TTN: variants seen among roughly 807,000 people sequenced by gnomAD.
TTN encodes connectin.
A neutral mutation model predicts 3,223.0 loss-of-function variants in TTN; 1,525 were observed. The ratio of observed to expected loss-of-function variants is 0.47; its 90% CI spans 0.45 to 0.49. The LOEUF (loss-of-function observed/expected upper bound fraction) is 0.49, where lower values mean the gene tolerates loss of function less well. TTN is among the 20% of genes least tolerant of loss of function. The probability of loss-of-function intolerance (pLI) is 0.00; values close to 1 mark genes in which losing one functional copy is unlikely to be tolerated. For synonymous variants in TTN, 14,094 were observed against 15,161.0 expected, an observed-to-expected ratio of 0.93 and a Z score of 5.17; for missense variants, 40,786 against 43,424.0, an observed-to-expected ratio of 0.94 and a Z score of 5.40.
chr2:178,747,983 T>A (rs1464390127), intron 47 of TTN: 2 of 1,613,086 alleles, frequency 1.2e-6, no homozygotes, highest in Admixed American at 3.3e-5. Context: ...CAAAGTGGCA[T>A]CTGTATATTC....
At position 178,556,463 on chromosome 2, in the gene TTN, A is replaced by AAC. The variant is rs1273267810; in HGVS notation, c.88306+384_88306+385insGT. The AAC allele has an allele frequency of 3.6e-4, 79 of 218,516 alleles. No homozygotes were observed. The East Asian group carries it at 3.8e-3, about 11-fold the overall frequency. 13.5% of individuals were successfully genotyped at this position (218,516 alleles called of 1,614,324 possible). Reference sequence around the variant, plus strand: ...ACAAACAAACAAACAAACAAAAAAAAAAAAACCAAAAAATGAAGTCTCTGT... The same window carrying AAC: ...ACAAACAAACAAACAAACAAAAAAAAACAAAAACCAAAAAATGAAGTCTCTGT... On this transcript the variant is annotated intron_variant, in intron 330 of 362. Transcript: ENST00000589042.
Position 178,542,292 on chromosome 2 carries a change from A to G in TTN, c.97464T>C (p.Ser32488=), listed in dbSNP as rs571147766. Residue 32488 remains serine, a synonymous_variant, in exon 349 of 363, where the codon TCT becomes TCC. Transcript: ENST00000589042. ...TGCTGCTGCGACACTCTATGACCTC[A>G]GACTGCAAGTAAGAGCCAATCCCGA... is the stretch of plus-strand genomic sequence containing the variant. ...NRFGIGSYLQ[S]EVIECRSSIR... 3.8e-5 allele frequency: 61 copies of G among 1,611,442 alleles called. No homozygotes were observed. In the East Asian group the frequency reaches 1.3e-3, roughly 34 times the overall value.
Position 178,559,323 on chromosome 2 carries a change from C to T in TTN, c.86809G>A (p.Val28937Ile), listed in dbSNP as rs794727453. Reference protein sequence around the residue: ...VGIPAETKEGVKITEKPSPPE... With the variant: ...VGIPAETKEGIKITEKPSPPE... Reference sequence around the variant, plus strand: ...TCTTAAAACATACCTGTTATTTTTACTCCTTCCTTTGTTTCAGCTGGTATA... The same window carrying T: ...TCTTAAAACATACCTGTTATTTTTATTCCTTCCTTTGTTTCAGCTGGTATA... Residue 28937 changes from valine (V) to isoleucine (I), a missense_variant, in exon 326 of 363, where the codon GTA becomes ATA. Coordinates refer to ENST00000589042, the MANE Select transcript of TTN (RefSeq NM_001267550.2). 6 of 1,589,054 alleles carry T rather than the reference C, an allele frequency of 3.8e-6. No individual in the cohort carries two copies. The African/African-American group carries it at 8.2e-5, about 22-fold the overall frequency.
At chr2:178,757,451 C>A (rs2087635762) in intron 45 of TTN, 91 bp downstream of exon 45, 1 of 1,438,942 alleles carries the variant, frequency 6.9e-7, no homozygotes, top group South Asian at 1.7e-5. Context: ...CCACAGTATG[C>A]AATAAAACAA....
Position 178,584,598 on chromosome 2 carries a change from A to C in TTN, c.64973-20T>G, listed in dbSNP as rs185009265. ...GAACACCTGGAGATGAAGACAAGGA[A>C]GATGTCAGTTTCTACATTAAGTAAC... On this transcript the variant is annotated intron_variant, in intron 310 of 362. Transcript: ENST00000589042. 6.8e-5 allele frequency: 110 copies of C among 1,610,496 alleles called. No individual in the cohort carries two copies. In the African/African-American group the frequency reaches 1.4e-3, roughly 21 times the overall value.
At chr2:178,668,837 A>G (rs989367070) in intron 159 of TTN, among the ~76,000 whole-genome samples, 3 of 151,900 alleles carry the variant, frequency 2.0e-5, no homozygotes, top group African/African-American at 7.3e-5. Context: ...GGATTATTTC[A>G]TAATTCAAAT....
intron 312 of TTN, 46 bp downstream of exon 312, chr2:178,583,561 A>G (rs1361541750): frequency 6.8e-7 from 1 of 1,473,276 alleles, no homozygotes; most frequent in African/African-American, 1.4e-5. Context: ...AATGACCATC[A>G]TGAATGCTGT....
In TTN at chr2:178,654,086, G is replaced by A; in HGVS notation, c.38390C>T (p.Ala12797Val). 2 of 1,592,058 alleles carry A rather than the reference G, an allele frequency of 1.3e-6. No homozygotes were observed. The highest frequency in any genetic ancestry group is 1.7e-6 in the Non-Finnish European group (2 of 1,177,530). The change falls in exon 194 of 363, where the codon GCT becomes GTT. Residue 12797 changes from alanine (A) to valine (V), a missense_variant. Coordinates refer to ENST00000589042, the MANE Select transcript of TTN (RefSeq NM_001267550.2). ...PEAPRAKVPE[A>V]AQEVVPEKKI... ...CTTTTCTGGGACAACTTCTTGAGCA[G>A]CTTCAGGCACTTGAAAGATATTAGT...
intron 69 of TTN, 83 bp from the exon 70 acceptor site, chr2:178,726,129 A>G: frequency 3.4e-6 from 5 of 1,454,598 alleles, no homozygotes; most frequent in South Asian, 1.5e-5. Flanking sequence ...AAATTGGAAG[A>G]AAGGTTTAAG....
Position 178,678,148 on chromosome 2 carries a change from T to G in TTN, c.33971A>C (p.Lys11324Thr). Reference protein sequence around the residue: ...EEKKPTPVPKKVEAPPPKVPK... With the variant: ...EEKKPTPVPKTVEAPPPKVPK... ...ACCTTTGGGTGGTGGTGCTTCCACT[T>G]TTTTCGGAACAGGTGTTGGTTTCTT... The change falls in exon 145 of 363, where the codon AAA becomes ACA. Residue 11324 changes from lysine (K) to threonine (T), a missense_variant. Coordinates refer to ENST00000589042, the MANE Select transcript of TTN (RefSeq NM_001267550.2). 6.2e-7 allele frequency: 1 copy of G among 1,611,302 alleles called. No individual in the cohort carries two copies. The highest frequency in any genetic ancestry group is 8.5e-7 in the Non-Finnish European group (1 of 1,178,948).
At chr2:178,586,868 A>T in intron 307 of TTN, 61 bp from the exon 308 acceptor site, 1 of 1,578,864 alleles carries the variant, frequency 6.3e-7, no homozygotes, top group Non-Finnish European at 8.6e-7. Flanking sequence ...CCCTTTGTTA[A>T]TGTACATAAG....
At chr2:178,731,631 T>C (rs1411304868) in intron 58 of TTN, 48 bp from the exon 59 acceptor site, 3 of 1,567,804 alleles carry the variant, frequency 1.9e-6, no homozygotes, top group Admixed American at 3.7e-5. Flanking sequence ...ATAGCAAAAG[T>C]GGCTTAAAAA....
rs929871928 is a variant in TTN at position 178,542,126 on chromosome 2, T to G, written c.97492+138A>C. On this transcript the variant is annotated intron_variant, in intron 349 of 362. Transcript: ENST00000589042. ...GTTTAGAAACCTGAGAAAAGGAGGT[T>G]TAGAAACCTTAGAAAGACCACAGGG... The G allele has an allele frequency of 1.5e-5, 13 of 894,446 alleles. No homozygotes were observed. The Admixed American group carries it at 1.6e-4, about 11-fold the overall frequency. 55.4% of individuals were successfully genotyped at this position (894,446 alleles called of 1,614,324 possible).
chr2:178,622,784 T>C lies in TTN; in HGVS notation c.44816-17A>G. The C allele has an allele frequency of 6.4e-7, 1 of 1,569,592 alleles. No individual in the cohort carries two copies. Among genetic ancestry groups the C allele is most frequent in the South Asian group, 1.2e-5 (1 of 86,274 alleles). ...CATGAGGAGCTGTAAGAGAATGTCA[T>C]CAGAATTCAAAATGAGGTTTCTGGA... On this transcript the variant is annotated splice_polypyrimidine_tract_variant and intron_variant, in intron 242 of 362. Coordinates refer to ENST00000589042, the MANE Select transcript of TTN (RefSeq NM_001267550.2).
chr2:178,755,235 C>T (rs1280245092), intron 46 of TTN, among the ~76,000 whole-genome samples: 1 of 151,700 alleles, frequency 6.6e-6, no homozygotes, highest in African/African-American at 2.4e-5. Flanking sequence ...CTTGCCCAGA[C>T]AAGTTTATTC....
rs1226873128 is a variant in TTN, at chr2:178,800,479, A to G, written c.499T>C (p.Tyr167His). The G allele has an allele frequency of 1.3e-5, 21 of 1,614,042 alleles. No individual in the cohort carries two copies. Among genetic ancestry groups the G allele is most frequent in the Admixed American group, 6.7e-5 (4 of 60,004 alleles). ...DLYSLLIAEA[Y>H]PEDSGTYSVN... ...GAATAGGTCCCTGAGTCCTCAGGGT[A>G]TGCTTCTGCAATCAGTAAGCTGTAG... Residue 167 changes from tyrosine to histidine, a missense_variant, in exon 4 of 363, where the codon TAC (tyrosine) becomes CAC (histidine). By Grantham distance (83) the Tyr-to-His change is moderately conservative. Coordinates refer to ENST00000589042, the MANE Select transcript of TTN (RefSeq NM_001267550.2).
At chr2:178,551,581 T>C in intron 335 of TTN, 49 bp downstream of exon 335, 2 of 1,435,328 alleles carry the variant, frequency 1.4e-6, no homozygotes, top group Non-Finnish European at 1.9e-6. Flanking sequence ...TATTTGTTTC[T>C]AATATGTTCA....
rs1206363968 is a variant in TTN, at chr2:178,768,133, T to C, written c.9186A>G (p.Lys3062=). Residue 3062 remains lysine, a synonymous_variant, in exon 39 of 363, where the codon AAA becomes AAG. Coordinates refer to ENST00000589042, the MANE Select transcript of TTN (RefSeq NM_001267550.2). The part of the protein sequence containing the change: ...YVEARHIEFR[K]HIKDIKVLEK... ...CCAGTACCTTAATGTCCTTAATGTG[T>C]TTCCTAAATTCTATATGACGAGCTG... 1 of 1,614,074 alleles carries C rather than the reference T, an allele frequency of 6.2e-7. No individual in the cohort carries two copies.
At chr2:178,668,873 C>T (rs1442370210) in intron 159 of TTN, among the ~76,000 whole-genome samples, 2 of 145,918 alleles carry the variant, frequency 1.4e-5, no homozygotes, top group Non-Finnish European at 3.0e-5. Context: ...TTGTATGAAA[C>T]CCCCCCCCAA....
Sources: allele counts gnomAD v4.1 joint callset (sites outside exome capture counted in the v4.1 genomes callset), GRCh38; gene constraint gnomAD v4.1.1; transcripts MANE v1.5; gene names NCBI Gene and HGNC (gene_info 2026-07-23, HGNC 2026-07-21).